Variants in EIF2S1 observed in about 807,000 individuals in gnomAD.
EIF2S1 encodes eukaryotic translation initiation factor 2 subunit alpha.
EIF2S1 carries 5 observed loss-of-function variants against 33.5 expected under a neutral mutation model. That is an observed-to-expected ratio of 0.15 (90% CI 0.08 to 0.31). The LOEUF (loss-of-function observed/expected upper bound fraction) is 0.31, where lower values mean the gene tolerates loss of function less well. EIF2S1 is among the 10% of genes least tolerant of loss of function. The pLI is 1.00. For synonymous variants in EIF2S1, 99 were observed against 127.5 expected (o/e 0.78, Z 1.51); for missense variants, 191 against 384.6 (o/e 0.50, Z 4.21).
At chr14:67,382,099 C>G (rs2085890334) in intron 6 of EIF2S1, among the ~76,000 whole-genome samples, 1 of 152,048 alleles carries the variant, frequency 6.6e-6, no homozygotes, top group African/African-American at 2.4e-5. Flanking sequence ...CAGAAGGATT[C>G]TTCCATCAGT....
chr14:67,380,611 C>T, intron 4 of EIF2S1, 48 bp from the exon 5 acceptor site: 1 of 1,041,176 alleles, frequency 9.6e-7, no homozygotes, highest in Non-Finnish European at 1.4e-6. Context: ...TCACATTTAT[C>T]AGTAATATAA....
At chr14:67,365,403 T>C (rs2085768963) in intron 2 of EIF2S1, among the ~76,000 whole-genome samples, 1 of 152,216 alleles carries the variant, frequency 6.6e-6, no homozygotes, top group African/African-American at 2.4e-5. Context: ...TGGGTAAGCA[T>C]GAAAATGGGG....
chr14:67,383,157 A>G (rs918371909), intron 7 of EIF2S1, among the ~76,000 whole-genome samples, 158 bp from the exon 8 acceptor site: 7 of 152,180 alleles, frequency 4.6e-5, no homozygotes, highest in Admixed American at 3.9e-4. Context: ...TATTTATGTA[A>G]TGGAATTTAT....
At chr14:67,373,842 AGTGT>A (rs35163593) in intron 2 of EIF2S1, among the ~76,000 whole-genome samples, 19,992 of 145,714 alleles carry the variant, frequency 0.14, 2,391 homozygotes, top group East Asian at 0.4. Context: ...TAATTTGTTC[AGTGT>A]GTGTGTGTGT....
intron 2 of EIF2S1, among the ~76,000 whole-genome samples, chr14:67,370,035 T>C (rs1189439885): frequency 1.3e-5 from 2 of 152,230 alleles, no homozygotes; most frequent in African/African-American, 4.8e-5. Context: ...CTATAGATAC[T>C]AAATTAACTA....
chr14:67,363,510 G>A (rs1388974399), intron 1 of EIF2S1, among the ~76,000 whole-genome samples: 1 of 152,108 alleles, frequency 6.6e-6, no homozygotes, highest in Non-Finnish European at 1.5e-5. Context: ...AGTTTTGAGA[G>A]AATATAGTCT....
chr14:67,383,441 C>T lies in EIF2S1; in HGVS notation c.*1C>T, dbSNP rs145768394. 2.7e-5 allele frequency: 44 copies of T among 1,612,682 alleles called. No individual in the cohort carries two copies. The highest frequency in any genetic ancestry group is 3.7e-5 in the Non-Finnish European group (44 of 1,179,116). The stretch of plus-strand genomic sequence containing the variant: ...AATGGAAGCCAAAGCTGAAGATTAA[C>T]TTTGTGGGAAACAGAGTCCAATTTA... On this transcript the variant is annotated 3_prime_UTR_variant, in exon 8 of 8. Transcript: ENST00000256383.
At chr14:67,372,454 A>G (rs1249628734) in intron 2 of EIF2S1, among the ~76,000 whole-genome samples, 2 of 152,240 alleles carry the variant, frequency 1.3e-5, no homozygotes, top group Non-Finnish European at 2.9e-5. Context: ...ATCAAAATTA[A>G]GAACTTATGT....
chr14:67,369,128 G>A (rs763011710), intron 2 of EIF2S1, among the ~76,000 whole-genome samples: 6 of 152,202 alleles, frequency 3.9e-5, no homozygotes, highest in Middle Eastern at 3.4e-3. Flanking sequence ...AGCAAGACTC[G>A]ACGATAATCC....
Position 67,380,672 on chromosome 14 carries a change from T to A in EIF2S1, c.487T>A (p.Leu163Met). Residue 163 changes from leucine (L) to methionine (M), a missense_variant, in exon 5 of 8, where the codon TTG (leucine) becomes ATG (methionine). Leu to Met is a conservative substitution (Grantham distance 15). Coordinates refer to ENST00000256383, the MANE Select transcript of EIF2S1 (RefSeq NM_004094.5). ...FKHAVSDPSI[L>M]DSLDLNEDER... The stretch of plus-strand genomic sequence containing the variant: ...GTTTTTGACCAGAGACCCATCTATT[T>A]TGGATAGTTTAGATTTGAATGAAGA... The A allele has an allele frequency of 2.6e-6, 4 of 1,559,408 alleles. No homozygotes were observed. In the South Asian group the frequency reaches 4.9e-5, roughly 19 times the overall value.
At chr14:67,375,480 G>A (rs2085852597) in intron 3 of EIF2S1, among the ~76,000 whole-genome samples, 2 of 150,942 alleles carry the variant, frequency 1.3e-5, no homozygotes, top group South Asian at 2.1e-4. Context: ...CCCTTCTCTG[G>A]TGTCTGTTCT....
intron 4 of EIF2S1, 95 bp from the exon 5 acceptor site, chr14:67,380,564 C>T: frequency 3.6e-6 from 2 of 551,826 alleles, no homozygotes; most frequent in Non-Finnish European, 3.0e-6. Flanking sequence ...CTATTATATG[C>T]TTAACTATTA....
intron 6 of EIF2S1, 72 bp downstream of exon 6, chr14:67,381,762 C>A: frequency 2.5e-5 from 21 of 825,770 alleles, no homozygotes; most frequent in Non-Finnish European, 3.8e-5. Flanking sequence ...ATCTTTGTTT[C>A]TTTTTTTTTT....
intron 5 of EIF2S1, among the ~76,000 whole-genome samples, chr14:67,381,005 A>C (rs2085885000): frequency 6.6e-6 from 1 of 152,100 alleles, no homozygotes; most frequent in African/African-American, 2.4e-5. Context: ...CTTTTTTTAA[A>C]AAGAGGGGTT....
rs1001040761 is a variant in EIF2S1, at chr14:67,384,481, A to G, written c.*1041A>G. 6.6e-5 allele frequency: 10 copies of G among 152,122 alleles called. No homozygotes were observed. Among genetic ancestry groups the G allele is most frequent in the Non-Finnish European group, 1.3e-4 (9 of 68,018 alleles). 9.4% of individuals were successfully genotyped at this position (152,122 alleles called of 1,614,324 possible). A position where few individuals can be genotyped will look rare whatever the true frequency, so the allele number is the denominator to read the frequency against. On this transcript the variant is annotated 3_prime_UTR_variant, in exon 8 of 8. Transcript: ENST00000256383. ...TTACAGCTACAGTAGTCAGGTGTAG[A>G]AAATCTTGAGTTGCTTTGGTCTGCT...
rs1337591793 is a variant in EIF2S1 at position 67,385,651 on chromosome 14, CTTTTTTCTT to C, written c.*2218_*2226del. On this transcript the variant is annotated 3_prime_UTR_variant, in exon 8 of 8. Coordinates refer to ENST00000256383, the MANE Select transcript of EIF2S1 (RefSeq NM_004094.5). ...GGAAGAAATATGAATATTCAAACCA[CTTTTTTCTT>C]TTTTTTTTTTTTTTTTTGGCAAATG... 1 of 140,984 alleles carries C rather than the reference CTTTTTTCTT, an allele frequency of 7.1e-6. No homozygotes were observed. Among genetic ancestry groups the C allele is most frequent in the African/African-American group, 2.7e-5 (1 of 37,088 alleles). 8.7% of individuals were successfully genotyped at this position (140,984 alleles called of 1,614,324 possible). A position where few individuals can be genotyped will look rare whatever the true frequency, so the allele number is the denominator to read the frequency against.
rs561810173 is a variant in EIF2S1 at position 67,379,690 on chromosome 14, T to C, written c.474-969T>C. Reference sequence around the variant, plus strand: ...TTTTTTTTGAGACGGAGTCTCGCTCTGTCGCCCAGGCTGGAGTGCAGTGGC... The same window carrying C: ...TTTTTTTTGAGACGGAGTCTCGCTCCGTCGCCCAGGCTGGAGTGCAGTGGC... On this transcript the variant is annotated intron_variant, in intron 4 of 7. Transcript: ENST00000256383. 2.3e-5 allele frequency among the ~76,000 whole-genome samples: 3 copies of C among 128,460 alleles called. 1 individual carries two copies. The highest frequency in any genetic ancestry group is 6.6e-4 in the East Asian group (2 of 3,052). The allele number at this position is 128,460 out of a possible 152,430, so 84.3% of individuals were successfully genotyped here. A position where few individuals can be genotyped will look rare whatever the true frequency, so the allele number is the denominator to read the frequency against.
At chr14:67,371,661 T>G (rs1023469458) in intron 2 of EIF2S1, among the ~76,000 whole-genome samples, 5 of 152,314 alleles carry the variant, frequency 3.3e-5, no homozygotes, top group African/African-American at 1.2e-4. Context: ...TGGTAAATAT[T>G]TGTGTACCTA....
At chr14:67,377,942 C>T (rs1360057444) in intron 4 of EIF2S1, among the ~76,000 whole-genome samples, 1 of 149,034 alleles carries the variant, frequency 6.7e-6, no homozygotes. Context: ...ACTGCCATCT[C>T]TAAAAAAAAA....
Sources: gnomAD v4.1 joint callset for allele counts (sites outside exome capture counted in the v4.1 genomes callset) on GRCh38, gnomAD v4.1.1 for gene constraint, MANE v1.5 for transcripts, NCBI Gene and HGNC (gene_info 2026-07-23, HGNC 2026-07-21) for gene names.